Variants in NRG2 observed in about 807,000 individuals in gnomAD.
NRG2 encodes the protein pro-neuregulin-2, membrane-bound isoform.
Under a neutral mutation model 73.9 loss-of-function variants are expected in NRG2, and 27 were observed. The observed-to-expected ratio is 0.37, with a 90% CI of 0.27 to 0.50. The LOEUF (loss-of-function observed/expected upper bound fraction) is 0.50, where lower values mean the gene tolerates loss of function less well. Among genes scored for constraint, NRG2 ranks in the 20% least tolerant of loss-of-function variants. NRG2 has a pLI of 0.96. For synonymous variants in NRG2, 532 were observed against 541.0 expected, an observed-to-expected ratio of 0.98 and a Z score of 0.23; for missense variants, 1,126 against 1,210.1, an observed-to-expected ratio of 0.93 and a Z score of 1.03.
intron 1 of NRG2, among the ~76,000 whole-genome samples, chr5:139,927,533 G>A (rs894789351): frequency 2.0e-5 from 3 of 152,102 alleles, no homozygotes; most frequent in African/African-American, 7.2e-5. Context: ...ATCTGCTGAG[G>A]TGGGCGGATC....
In NRG2 at chr5:139,860,371, AT is replaced by A. The variant is rs370113852; in HGVS notation, c.1190-4594del. 5.5e-3 allele frequency among the ~76,000 whole-genome samples: 793 copies of A among 144,628 alleles called. 4 individuals carry two copies. Among genetic ancestry groups the A allele is most frequent in the African/African-American group, 0.016 (627 of 39,592 alleles). 94.9% of individuals were successfully genotyped at this position (144,628 alleles called of 152,430 possible). On this transcript the variant is annotated intron_variant, in intron 5 of 9. Coordinates refer to ENST00000361474, the MANE Select transcript of NRG2 (RefSeq NM_004883.3). ...GCCCAGCTCCCTCATTGGGGGCCCA[AT>A]TTTTTTTTTTTTGTTCAGAGTGCAG...
At chr5:139,931,417 G>A (rs1304704697) in intron 1 of NRG2, among the ~76,000 whole-genome samples, 1 of 152,154 alleles carries the variant, frequency 6.6e-6, no homozygotes, top group Non-Finnish European at 1.5e-5. Flanking sequence ...GAGCAGGTGG[G>A]ATGACAGTAG....
At chr5:139,994,488 T>C (rs1278064613) in intron 1 of NRG2, among the ~76,000 whole-genome samples, 1 of 152,250 alleles carries the variant, frequency 6.6e-6, no homozygotes, top group Non-Finnish European at 1.5e-5. Flanking sequence ...AAATGCCAAC[T>C]AAAGTGAAAT....
At chr5:139,918,097 G>A (rs1751400931) in intron 1 of NRG2, among the ~76,000 whole-genome samples, 1 of 152,162 alleles carries the variant, frequency 6.6e-6, no homozygotes, top group African/African-American at 2.4e-5. Flanking sequence ...TTTGCGCGTG[G>A]ATATTCCATT....
At chr5:139,900,780 T>C (rs567247794) in intron 1 of NRG2, among the ~76,000 whole-genome samples, 1 of 152,212 alleles carries the variant, frequency 6.6e-6, no homozygotes, top group African/African-American at 2.4e-5. Context: ...TTTTCCTCCA[T>C]GTGTCTTCAT....
chr5:139,898,259 C>T lies in NRG2; in HGVS notation c.701-10748G>A, dbSNP rs185493101. Reference sequence around the variant, plus strand: ...AACAGCAGGTTCACAGGAACAAGGCCGGAAGGAACCACGAGGTACTCATGG... The same window carrying T: ...AACAGCAGGTTCACAGGAACAAGGCTGGAAGGAACCACGAGGTACTCATGG... On this transcript the variant is annotated intron_variant, in intron 1 of 9. Transcript: ENST00000361474. Among the ~76,000 whole-genome samples the T allele has an allele frequency of 9.8e-5, 15 of 152,296 alleles. No homozygotes were observed. In the East Asian group the frequency reaches 2.3e-3, roughly 24 times the overall value.
rs1411618533 is a variant in NRG2, at chr5:139,915,334, A to G, written c.701-27823T>C. ...TGGACACAGTACAGAGGACAATGGG[A>G]TTGGGAGAGCATTTCTGCTTGGGGT... On this transcript the variant is annotated intron_variant, in intron 1 of 9. Coordinates refer to ENST00000361474, the MANE Select transcript of NRG2 (RefSeq NM_004883.3). The surrounding 1 kb of genome is among the most constrained non-coding windows in gnomAD (Gnocchi z 4.0). Among the ~76,000 whole-genome samples the G allele has an allele frequency of 6.6e-6, 1 of 152,098 alleles. No homozygotes were observed. The highest frequency in any genetic ancestry group is 1.9e-4 in the East Asian group (1 of 5,188).
intron 1 of NRG2, among the ~76,000 whole-genome samples, chr5:139,974,789 C>T (rs1329093276): frequency 6.6e-6 from 1 of 152,218 alleles, no homozygotes; most frequent in East Asian, 1.9e-4. Context: ...AGGACAGCAA[C>T]TCTGCAACGT....
chr5:139,959,700 A>G (rs1754917795), intron 1 of NRG2, among the ~76,000 whole-genome samples: 1 of 151,056 alleles, frequency 6.6e-6, no homozygotes, highest in Non-Finnish European at 1.5e-5. Context: ...TTTAGTAGAG[A>G]CAGGGTTTCG....
chr5:139,883,243 CT>C (rs3836891), intron 2 of NRG2, among the ~76,000 whole-genome samples: 3 of 141,260 alleles, frequency 2.1e-5, no homozygotes, highest in East Asian at 4.8e-4. Context: ...CCCCTCCCCC[CT>C]ACCTCCCCAG....
chr5:139,903,946 CG>C (rs1427600446), intron 1 of NRG2, among the ~76,000 whole-genome samples: 2 of 152,224 alleles, frequency 1.3e-5, no homozygotes, highest in African/African-American at 4.8e-5. Context: ...GCGGCCAGGC[CG>C]GGCCCAGCGT....
intron 1 of NRG2, among the ~76,000 whole-genome samples, chr5:139,970,132 G>T (rs887318094): frequency 6.6e-5 from 10 of 152,144 alleles, no homozygotes; most frequent in African/African-American, 2.4e-4. Flanking sequence ...CAGGATAATG[G>T]TTTTGTATTA....
At chr5:140,035,727 A>G (rs1462722661) in intron 1 of NRG2, among the ~76,000 whole-genome samples, 1 of 152,164 alleles carries the variant, frequency 6.6e-6, no homozygotes, top group African/African-American at 2.4e-5. Context: ...CAAGATCAAG[A>G]CCAAGTAAAA....
At chr5:139,880,420 C>T (rs1208356040) in intron 3 of NRG2, among the ~76,000 whole-genome samples, 1 of 152,138 alleles carries the variant, frequency 6.6e-6, no homozygotes, top group Admixed American at 6.5e-5. Flanking sequence ...GGCATCCAAG[C>T]TGCCCACCCA....
At chr5:139,880,797 C>T (rs1763481756) in intron 3 of NRG2, 59 bp downstream of exon 3, 1 of 1,346,996 alleles carries the variant, frequency 7.4e-7, no homozygotes, top group South Asian at 1.2e-5. Flanking sequence ...GGCTGGGGGG[C>T]CACTGGCCCG....
intron 4 of NRG2, among the ~76,000 whole-genome samples, chr5:139,867,962 C>T (rs1762593925): frequency 6.6e-6 from 1 of 152,074 alleles, no homozygotes; most frequent in Non-Finnish European, 1.5e-5. Context: ...ATGATAACTC[C>T]ATACATCCCT....
At chr5:139,895,508 G>T (rs1355808064) in intron 1 of NRG2, among the ~76,000 whole-genome samples, 1 of 152,216 alleles carries the variant, frequency 6.6e-6, no homozygotes, top group Non-Finnish European at 1.5e-5. Context: ...TAGACACCTA[G>T]GGCTGGCACG....
intron 1 of NRG2, among the ~76,000 whole-genome samples, chr5:139,942,513 T>A (rs1692849677): frequency 6.6e-6 from 1 of 152,196 alleles, no homozygotes; most frequent in South Asian, 2.1e-4. Context: ...TCTACACTAT[T>A]CTTAGAGGCA....
intron 3 of NRG2, among the ~76,000 whole-genome samples, chr5:139,876,827 G>A (rs1297786960): frequency 6.6e-6 from 1 of 152,118 alleles, no homozygotes; most frequent in Non-Finnish European, 1.5e-5. Flanking sequence ...TGCCATTTGA[G>A]GGACTTTCTT....
Sources: allele counts gnomAD v4.1 joint callset (sites outside exome capture counted in the v4.1 genomes callset), GRCh38; gene constraint gnomAD v4.1.1; non-coding constraint Gnocchi (gnomAD v3.1); transcripts MANE v1.5; gene names NCBI Gene and HGNC (gene_info 2026-07-23, HGNC 2026-07-21).